RANBP2: variants seen among roughly 807,000 people sequenced by gnomAD.
RANBP2 encodes RAN binding protein 2.
RANBP2 carries 57 observed loss-of-function variants against 303.6 expected under a neutral mutation model. The observed-to-expected ratio is 0.19, with a 90% CI of 0.15 to 0.23. The LOEUF is 0.23. RANBP2 is among the 10% of genes least tolerant of loss of function. RANBP2 has a pLI of 1.00. For synonymous variants in RANBP2, 1,167 were observed against 1,301.5 expected (o/e 0.90, Z 2.23); for missense variants, 3,138 against 3,780.8 (o/e 0.83, Z 4.46).
At chr2:108,740,450 G>A in intron 6 of RANBP2, 39 bp from the exon 7 acceptor site, 1 of 1,597,202 alleles carries the variant, frequency 6.3e-7, no homozygotes, top group Non-Finnish European at 8.5e-7. Context: ...TCACAGTGCA[G>A]TAAGTGTGTA....
chr2:109,402,212 T>C, the RANBP2 span, among the ~76,000 whole-genome samples: 2 of 152,246 alleles, frequency 1.3e-5, no homozygotes, highest in African/African-American at 2.4e-5. Context: ...TCCTACCACC[T>C]TGCTGGCCAT....
chr2:109,506,189 T>C, the RANBP2 span, among the ~76,000 whole-genome samples: 2 of 152,360 alleles, frequency 1.3e-5, no homozygotes, highest in Admixed American at 6.5e-5. Context: ...GAGCTGGGCC[T>C]TCAGTTGAGG....
At chr2:108,914,503 C>T in the RANBP2 span, among the ~76,000 whole-genome samples, 1 of 152,120 alleles carries the variant, frequency 6.6e-6, no homozygotes, top group Non-Finnish European at 1.5e-5. Context: ...AAAAGTGTGA[C>T]TTAGCGGGGA....
chr2:109,385,474 G>A, the RANBP2 span, among the ~76,000 whole-genome samples: 1 of 152,198 alleles, frequency 6.6e-6, no homozygotes, highest in Non-Finnish European at 1.5e-5. Flanking sequence ...TGAATATCCA[G>A]TCCTCTTGAA....
At chr2:109,704,659 G>C in the RANBP2 span, among the ~76,000 whole-genome samples, 1 of 152,142 alleles carries the variant, frequency 6.6e-6, no homozygotes, top group African/African-American at 2.4e-5. Flanking sequence ...AGAACAGCCT[G>C]ACTAACGTGG....
At chr2:109,254,658 T>C in the RANBP2 span, among the ~76,000 whole-genome samples, 4 of 152,190 alleles carry the variant, frequency 2.6e-5, no homozygotes, top group Admixed American at 2.6e-4. Flanking sequence ...TGGGTTTCAC[T>C]TCCTGCTGTC....
the RANBP2 span, among the ~76,000 whole-genome samples, chr2:109,604,543 T>C: frequency 1.3e-5 from 2 of 151,724 alleles, no homozygotes; most frequent in East Asian, 2.0e-4. Context: ...CTGGCTAACA[T>C]GGTGAAACCC....
At chr2:108,985,139 T>TACTGTATCTTATTTCAGTATTTGGGCTC in the RANBP2 span, among the ~76,000 whole-genome samples, 2 of 152,236 alleles carry the variant, frequency 1.3e-5, no homozygotes, top group South Asian at 4.1e-4. Context: ...AGGAGACTAA[T>TACTGTATCTTATTTCAGTATTTGGGCTC]ACTGTATCTT....
chr2:108,930,281 T>C, the RANBP2 span: 1 of 1,613,520 alleles, frequency 6.2e-7, no homozygotes, highest in Non-Finnish European at 8.5e-7. Flanking sequence ...CCGTACCTCC[T>C]TAGAAACACA....
the RANBP2 span, among the ~76,000 whole-genome samples, chr2:108,841,351 T>G: frequency 1.3e-5 from 2 of 152,312 alleles, no homozygotes; most frequent in East Asian, 1.9e-4. Context: ...TGTGGAGAGA[T>G]AGATGGATGT....
chr2:109,687,958 G>C, the RANBP2 span, among the ~76,000 whole-genome samples: 2 of 152,084 alleles, frequency 1.3e-5, no homozygotes, highest in Non-Finnish European at 2.9e-5. Context: ...TGTTGCCCAG[G>C]CTGGGTCAGG....
At chr2:108,721,573 T>A (rs993218893) in intron 1 of RANBP2, among the ~76,000 whole-genome samples, 1 of 152,122 alleles carries the variant, frequency 6.6e-6, no homozygotes, top group African/African-American at 2.4e-5. Flanking sequence ...CCCGAGTAGT[T>A]GGGACCACAG....
the RANBP2 span, among the ~76,000 whole-genome samples, chr2:109,601,095 C>T: frequency 2.0e-4 from 31 of 152,248 alleles, no homozygotes; most frequent in African/African-American, 7.2e-4. Flanking sequence ...TCTTAAGGAG[C>T]CTCCATTATA....
chr2:109,191,433 G>A, the RANBP2 span, among the ~76,000 whole-genome samples: 2 of 152,314 alleles, frequency 1.3e-5, no homozygotes, highest in East Asian at 3.9e-4. Context: ...AGTGGGGTGA[G>A]TTATAAATCA....
chr2:109,305,123 A>G, the RANBP2 span, among the ~76,000 whole-genome samples: 1 of 152,138 alleles, frequency 6.6e-6, no homozygotes, highest in Non-Finnish European at 1.5e-5. Context: ...TTATTCTGAT[A>G]ATATTAATCT....
At chr2:109,199,787 T>A in the RANBP2 span, among the ~76,000 whole-genome samples, 3 of 10,888 alleles carry the variant, frequency 2.8e-4, no homozygotes, top group Non-Finnish European at 6.7e-4. Flanking sequence ...TGGAATGGAA[T>A]GGAATGGAAT....
chr2:108,779,072 G>A (rs991955030), intron 25 of RANBP2, among the ~76,000 whole-genome samples: 12 of 152,064 alleles, frequency 7.9e-5, no homozygotes, highest in African/African-American at 2.7e-4. Context: ...ATCTCATCCA[G>A]ATCAGTGGTT....
the RANBP2 span, among the ~76,000 whole-genome samples, chr2:109,481,374 G>A: frequency 6.6e-6 from 1 of 152,138 alleles, no homozygotes; most frequent in East Asian, 1.9e-4. Context: ...AGTTTATTGC[G>A]GCTATGCTTC....
At chr2:109,371,670 C>A in the RANBP2 span, 1 of 1,613,786 alleles carries the variant, frequency 6.2e-7, no homozygotes, top group Non-Finnish European at 8.5e-7. Context: ...CTTCCCGCTC[C>A]TGTACGTGGA....
Sources: allele counts gnomAD v4.1 joint callset (sites outside exome capture counted in the v4.1 genomes callset), GRCh38; gene constraint gnomAD v4.1.1; transcripts MANE v1.5; gene names NCBI Gene and HGNC (gene_info 2026-07-23, HGNC 2026-07-21).